PXDNL: variants seen among roughly 807,000 people sequenced by gnomAD.
The protein encoded by PXDNL is probable oxidoreductase PXDNL.
In PXDNL, 145 loss-of-function variants were observed where a neutral mutation model predicts 150.8. The observed-to-expected ratio is 0.96, with a 90% confidence interval of 0.84 to 1.10. The LOEUF (loss-of-function observed/expected upper bound fraction) is 1.10, where lower values mean the gene tolerates loss of function less well. Ranked by LOEUF, PXDNL falls within the 50% of genes least tolerant of loss-of-function variation. The pLI, the probability that PXDNL is intolerant of heterozygous loss-of-function variation, is 0.00. For missense variants in PXDNL, 2,087 were observed against 1,873.9 expected (o/e 1.11, Z -2.10); for synonymous variants, 757 against 725.7 (o/e 1.04, Z -0.69).
chr8:51,620,736 G>A (rs548619574), intron 2 of PXDNL, among the ~76,000 whole-genome samples: 2 of 152,064 alleles, frequency 1.3e-5, no homozygotes, highest in South Asian at 2.1e-4. Flanking sequence ...TAGTAGAGAC[G>A]AGGTTTCCTC....
At chr8:51,697,265 C>T (rs1303469040) in intron 1 of PXDNL, among the ~76,000 whole-genome samples, 4 of 144,440 alleles carry the variant, frequency 2.8e-5, no homozygotes, top group Non-Finnish European at 4.5e-5. Flanking sequence ...GATCGTGCCA[C>T]TGCATTCCAG....
intron 14 of PXDNL, among the ~76,000 whole-genome samples, chr8:51,419,907 G>A (rs1413634796): frequency 6.6e-6 from 1 of 152,122 alleles, no homozygotes; most frequent in African/African-American, 2.4e-5. Flanking sequence ...AGGAAATACT[G>A]TATCAGTCTT....
At chr8:51,796,374 A>G (rs1044067358) in intron 1 of PXDNL, among the ~76,000 whole-genome samples, 5 of 151,936 alleles carry the variant, frequency 3.3e-5, no homozygotes, top group African/African-American at 4.8e-5. Context: ...AAAAAAATCA[A>G]TGAATACACG....
chr8:51,633,408 T>C lies in PXDNL; in HGVS notation c.236+21281A>G, dbSNP rs1013907881. Among the ~76,000 whole-genome samples the C allele has an allele frequency of 2.6e-5, 4 of 152,200 alleles. No homozygotes were observed. The South Asian group carries it at 6.2e-4, about 24-fold the overall frequency. The stretch of plus-strand genomic sequence containing the variant: ...TACAGTTGTTTTTCCTTTGGGTATA[T>C]ACCCTGCAATGAGATTGCTGGGTCG... On this transcript the variant is annotated intron_variant, in intron 2 of 22. Transcript: ENST00000356297.
intron 21 of PXDNL, among the ~76,000 whole-genome samples, chr8:51,326,074 C>A (rs907122963): frequency 6.6e-6 from 1 of 152,166 alleles, no homozygotes; most frequent in Admixed American, 6.5e-5. Context: ...AAAAACTACC[C>A]AGGAAAGAGC....
intron 1 of PXDNL, among the ~76,000 whole-genome samples, chr8:51,773,893 C>A (rs1437192157): frequency 2.6e-5 from 4 of 152,086 alleles, no homozygotes; most frequent in African/African-American, 9.7e-5. Context: ...TGATTTGTAG[C>A]CTTTCTTTCT....
rs1331712649 is a variant in PXDNL at position 51,396,769 on chromosome 8, G to GTAA, written c.3557+11295_3557+11297dup. ...ATGAAACTCCGTCTCAAAAATAACG[G>GTAA]TAATAATAATAATAATAAACAAATA... is the stretch of plus-strand genomic sequence containing the variant. On this transcript the variant is annotated intron_variant, in intron 17 of 22. Coordinates refer to ENST00000356297, the MANE Select transcript of PXDNL (RefSeq NM_144651.5). 1.1e-4 allele frequency among the ~76,000 whole-genome samples: 17 copies of GTAA among 151,824 alleles called. 1 individual carries two copies. The East Asian group carries it at 1.9e-3, about 17-fold the overall frequency.
intron 2 of PXDNL, among the ~76,000 whole-genome samples, chr8:51,624,809 A>T (rs1170644684): frequency 6.6e-6 from 1 of 151,556 alleles, no homozygotes; most frequent in Non-Finnish European, 1.5e-5. Flanking sequence ...TAGGTGTCAT[A>T]TCAAACATGA....
chr8:51,460,677 G>A lies in PXDNL; in HGVS notation c.813-3010C>T, dbSNP rs547871108. Among the ~76,000 whole-genome samples the A allele has an allele frequency of 4.5e-4, 68 of 151,666 alleles. No homozygotes were observed. The South Asian group carries it at 0.013, about 30-fold the overall frequency. On this transcript the variant is annotated intron_variant, in intron 8 of 22. Coordinates refer to ENST00000356297, the MANE Select transcript of PXDNL (RefSeq NM_144651.5). The stretch of plus-strand genomic sequence containing the variant: ...AAGAGGTGAGTGAAGGAAACTGCAG[G>A]GCACCACACCCCCACAATGGACCTC...
intron 2 of PXDNL, among the ~76,000 whole-genome samples, chr8:51,597,739 A>G (rs1241290638): frequency 7.1e-6 from 1 of 140,440 alleles, no homozygotes; most frequent in African/African-American, 2.7e-5. Flanking sequence ...TTTGAGATGG[A>G]GTTTCACTCT....
At chr8:51,429,538 C>A (rs1283936352) in intron 12 of PXDNL, among the ~76,000 whole-genome samples, 1 of 151,990 alleles carries the variant, frequency 6.6e-6, no homozygotes, top group African/African-American at 2.4e-5. Flanking sequence ...CCACTGCACT[C>A]CAGCCTGGGC....
intron 1 of PXDNL, among the ~76,000 whole-genome samples, chr8:51,784,796 A>G (rs1180983839): frequency 6.6e-6 from 1 of 152,212 alleles, no homozygotes; most frequent in Admixed American, 6.5e-5. Context: ...TTCATAGCAT[A>G]GAATAATATG....
At chr8:51,803,433 A>AAT (rs1001051253) in intron 1 of PXDNL, among the ~76,000 whole-genome samples, 16 of 152,156 alleles carry the variant, frequency 1.1e-4, no homozygotes, top group Non-Finnish European at 2.2e-4. Flanking sequence ...CATAAACAAC[A>AAT]AAATTCACTT....
At chr8:51,402,562 T>A (rs1730299703) in intron 17 of PXDNL, among the ~76,000 whole-genome samples, 1 of 152,116 alleles carries the variant, frequency 6.6e-6, no homozygotes, top group Non-Finnish European at 1.5e-5. Context: ...CACATCCCTG[T>A]GATTATGAGT....
chr8:51,432,960 C>A (rs1383541329), intron 12 of PXDNL, among the ~76,000 whole-genome samples: 1 of 151,980 alleles, frequency 6.6e-6, no homozygotes, highest in Non-Finnish European at 1.5e-5. Flanking sequence ...GTAATCCCAG[C>A]ACTTTGGGAG....
chr8:51,411,697 G>A (rs4147424), intron 15 of PXDNL, among the ~76,000 whole-genome samples: 10,539 of 152,182 alleles, frequency 0.069, 590 homozygotes, highest in East Asian at 0.18. Context: ...CTAAACTGGG[G>A]GGGTCGGTTG....
intron 1 of PXDNL, among the ~76,000 whole-genome samples, chr8:51,732,525 T>C (rs1172686284): frequency 6.6e-6 from 1 of 152,202 alleles, no homozygotes; most frequent in Non-Finnish European, 1.5e-5. Context: ...AGTTCCAAAG[T>C]CGCTTCCACA....
In PXDNL at chr8:51,421,507, C is replaced by T. The variant is rs1005424213; in HGVS notation, c.1795+2068G>A. On this transcript the variant is annotated intron_variant, in intron 14 of 22. Coordinates refer to ENST00000356297, the MANE Select transcript of PXDNL (RefSeq NM_144651.5). ...CTGAGGTCAGGAGTTCAAGACAGGCCTGGCCTACATGGTGAAACCACATCT... is the reference window on the plus strand; with the variant it reads ...CTGAGGTCAGGAGTTCAAGACAGGCTTGGCCTACATGGTGAAACCACATCT... Among the ~76,000 whole-genome samples, 4 of 152,200 alleles carry T rather than the reference C, an allele frequency of 2.6e-5. 1 individual carries two copies. Among genetic ancestry groups the T allele is most frequent in the African/African-American group, 9.6e-5 (4 of 41,542 alleles).
At chr8:51,439,753 A>G (rs1375606780) in intron 12 of PXDNL, among the ~76,000 whole-genome samples, 1 of 144,838 alleles carries the variant, frequency 6.9e-6, no homozygotes, top group African/African-American at 2.5e-5. Flanking sequence ...TGAACCCTGG[A>G]GGCAGAGGTT....
Sources: gnomAD v4.1 joint callset for allele counts (sites outside exome capture counted in the v4.1 genomes callset) on GRCh38, gnomAD v4.1.1 for gene constraint, MANE v1.5 for transcripts, NCBI Gene and HGNC (gene_info 2026-07-23, HGNC 2026-07-21) for gene names.